KITLG: variants seen among roughly 807,000 people sequenced by gnomAD.
The protein encoded by KITLG is c-Kit ligand.
Under a neutral mutation model 34.1 loss-of-function variants are expected in KITLG, and 13 were observed. That is an observed-to-expected ratio of 0.38 (90% CI 0.25 to 0.61). The LOEUF (loss-of-function observed/expected upper bound fraction) is 0.61, where lower values mean the gene tolerates loss of function less well. KITLG is among the 20% of genes least tolerant of loss of function. The pLI is 0.60. For missense variants in KITLG, 292 were observed against 318.9 expected (o/e 0.92, Z 0.64); for synonymous variants, 110 against 104.0 (o/e 1.06, Z -0.35).
intron 6 of KITLG, among the ~76,000 whole-genome samples, chr12:88,509,766 G>T (rs1869205070): frequency 6.6e-6 from 1 of 152,150 alleles, no homozygotes; most frequent in Non-Finnish European, 1.5e-5. Flanking sequence ...TGGTCCATCA[G>T]GGATACTACT....
rs1868596650 is a variant in KITLG, at chr12:88,495,375, G to A, written c.*1844C>T. ...GAAAACAGTCAATGCCACACACTGA[G>A]ACAGGACCTATCAGCAATTTAAATT... On this transcript the variant is annotated 3_prime_UTR_variant, in exon 10 of 10. Transcript: ENST00000644744. 1.3e-5 allele frequency: 2 copies of A among 152,112 alleles called. No homozygotes were observed. The allele number at this position is 152,112 out of a possible 1,614,324, so 9.4% of individuals were successfully genotyped here. A position where few individuals can be genotyped will look rare whatever the true frequency, so the allele number is the denominator to read the frequency against.
chr12:88,564,053 C>T (rs1871371767), intron 1 of KITLG, among the ~76,000 whole-genome samples: 1 of 152,054 alleles, frequency 6.6e-6, no homozygotes, highest in Admixed American at 6.5e-5. Flanking sequence ...TGGCATCACA[C>T]TTGTTATTGT....
At chr12:88,529,470 C>A (rs1870000407) in intron 3 of KITLG, among the ~76,000 whole-genome samples, 1 of 152,178 alleles carries the variant, frequency 6.6e-6, no homozygotes, top group South Asian at 2.1e-4. Context: ...ATTTGTGAGA[C>A]AGAATCTGCT....
chr12:88,555,649 G>A (rs1039555249), intron 1 of KITLG, among the ~76,000 whole-genome samples: 3 of 152,092 alleles, frequency 2.0e-5, no homozygotes, highest in East Asian at 1.9e-4. Flanking sequence ...AATGAGTCGA[G>A]CAGGTAAATC....
chr12:88,576,005 T>C (rs1452439527), intron 1 of KITLG, among the ~76,000 whole-genome samples: 1 of 151,962 alleles, frequency 6.6e-6, no homozygotes, highest in Non-Finnish European at 1.5e-5. Flanking sequence ...GAAAAGCAAG[T>C]GCGAGAACAT....
intron 1 of KITLG, among the ~76,000 whole-genome samples, chr12:88,549,012 G>T (rs886752991): frequency 6.6e-6 from 1 of 152,192 alleles, no homozygotes; most frequent in African/African-American, 2.4e-5. Flanking sequence ...TTTCACCAAA[G>T]ATTGGACAAA....
At chr12:88,566,754 T>C (rs971798856) in intron 1 of KITLG, among the ~76,000 whole-genome samples, 1 of 152,236 alleles carries the variant, frequency 6.6e-6, no homozygotes, top group Non-Finnish European at 1.5e-5. Context: ...GAGGGTAATG[T>C]AAAGTCGGTA....
chr12:88,549,678 C>T (rs1394483733), intron 1 of KITLG, among the ~76,000 whole-genome samples: 1 of 152,002 alleles, frequency 6.6e-6, no homozygotes, highest in Non-Finnish European at 1.5e-5. Flanking sequence ...AGTGATAATG[C>T]CAGGTCAAGA....
At chr12:88,547,964 C>T (rs1173751380) in intron 1 of KITLG, among the ~76,000 whole-genome samples, 1 of 152,092 alleles carries the variant, frequency 6.6e-6, no homozygotes, top group African/African-American at 2.4e-5. Flanking sequence ...CTAGGTTATA[C>T]AGTATGTCAA....
intron 2 of KITLG, among the ~76,000 whole-genome samples, chr12:88,535,581 T>C (rs1192964756): frequency 6.6e-6 from 1 of 152,178 alleles, no homozygotes; most frequent in Non-Finnish European, 1.5e-5. Flanking sequence ...ATCCCATTAT[T>C]ACGTCCTTGG....
intron 1 of KITLG, among the ~76,000 whole-genome samples, chr12:88,559,801 A>G (rs975789393): frequency 1.3e-5 from 2 of 152,234 alleles, no homozygotes; most frequent in Non-Finnish European, 2.9e-5. Flanking sequence ...ACAGCAAAGC[A>G]TTTACAGTTG....
intron 3 of KITLG, among the ~76,000 whole-genome samples, chr12:88,528,243 C>T (rs1261140785): frequency 1.3e-5 from 2 of 152,182 alleles, no homozygotes; most frequent in African/African-American, 4.8e-5. Context: ...TTTCAAATCT[C>T]CCTCTCTGGC....
At chr12:88,547,891 G>GTATA (rs1400114523) in intron 1 of KITLG, among the ~76,000 whole-genome samples, 1 of 152,194 alleles carries the variant, frequency 6.6e-6, no homozygotes, top group African/African-American at 2.4e-5. Flanking sequence ...TGTCCTAGGT[G>GTATA]CTAGGCCTAT....
intron 3 of KITLG, among the ~76,000 whole-genome samples, chr12:88,521,817 G>C (rs1165724710): frequency 6.6e-6 from 1 of 152,132 alleles, no homozygotes; most frequent in African/African-American, 2.4e-5. Flanking sequence ...CTTCTTTCTT[G>C]ATAGCTTCTG....
intron 3 of KITLG, among the ~76,000 whole-genome samples, chr12:88,527,827 CAGAAGCATTA>C (rs1393127416): frequency 6.6e-6 from 1 of 152,194 alleles, no homozygotes; most frequent in African/African-American, 2.4e-5. Context: ...ATAAGCTCCA[CAGAAGCATTA>C]AGAAACATCA....
chr12:88,514,451 T>C (rs2120830363), intron 6 of KITLG, among the ~76,000 whole-genome samples: 1 of 151,778 alleles, frequency 6.6e-6, no homozygotes, highest in East Asian at 1.9e-4. Flanking sequence ...TAGTCCCTTT[T>C]TGACACATTT....
chr12:88,537,221 C>T (rs1327555768), intron 2 of KITLG, among the ~76,000 whole-genome samples: 1 of 152,028 alleles, frequency 6.6e-6, no homozygotes, highest in Non-Finnish European at 1.5e-5. Context: ...ATGGAATCGA[C>T]CTATGTGCCT....
intron 1 of KITLG, among the ~76,000 whole-genome samples, chr12:88,576,603 C>A (rs1871832978): frequency 6.6e-6 from 1 of 151,992 alleles, no homozygotes; most frequent in African/African-American, 2.4e-5. Context: ...AACAGAAATC[C>A]CAAAAAGTTT....
At chr12:88,557,804 C>T (rs1472451233) in intron 1 of KITLG, among the ~76,000 whole-genome samples, 3 of 152,094 alleles carry the variant, frequency 2.0e-5, no homozygotes, top group African/African-American at 4.8e-5. Context: ...TCCATGGACA[C>T]GGGCACCGTT....
Sources: gnomAD v4.1 joint callset for allele counts (sites outside exome capture counted in the v4.1 genomes callset) on GRCh38, gnomAD v4.1.1 for gene constraint, MANE v1.5 for transcripts, NCBI Gene and HGNC (gene_info 2026-07-23, HGNC 2026-07-21) for gene names.